The following DGKH variants were observed in gnomAD, a reference collection of about 807,000 sequenced individuals.
The protein encoded by DGKH is DAG kinase eta.
In DGKH, 90 loss-of-function variants were observed where a neutral mutation model predicts 159.3. The observed-to-expected ratio is 0.57, with a 90% confidence interval of 0.48 to 0.67. The LOEUF (loss-of-function observed/expected upper bound fraction) is 0.67. Among genes scored for constraint, DGKH ranks in the 30% least tolerant of loss-of-function variants. The probability of loss-of-function intolerance (pLI) is 0.00; values close to 1 mark genes in which losing one functional copy is unlikely to be tolerated. For missense variants in DGKH, 1,181 were observed against 1,506.1 expected (o/e 0.78, Z 3.57); for synonymous variants, 536 against 553.8 (o/e 0.97, Z 0.45).
chr13:42,217,248 G>C (rs1566204402), intron 26 of DGKH, among the ~76,000 whole-genome samples: 1 of 152,140 alleles, frequency 6.6e-6, no homozygotes, highest in Non-Finnish European at 1.5e-5. Flanking sequence ...AAACACAACA[G>C]GGTAGAGAAT....
chr13:42,087,657 A>T (rs1437638472), intron 1 of DGKH, among the ~76,000 whole-genome samples: 1 of 152,210 alleles, frequency 6.6e-6, no homozygotes, highest in Non-Finnish European at 1.5e-5. Context: ...GGATTAACAG[A>T]TACTACAGAA....
intron 29 of DGKH, among the ~76,000 whole-genome samples, chr13:42,224,085 A>G (rs1025167526): frequency 6.6e-5 from 10 of 152,182 alleles, no homozygotes; most frequent in African/African-American, 2.4e-4. Context: ...ATTCTTTTTT[A>G]AAATTTATTT....
At chr13:42,113,775 G>C (rs1954913607) in intron 1 of DGKH, among the ~76,000 whole-genome samples, 1 of 152,036 alleles carries the variant, frequency 6.6e-6, no homozygotes, top group South Asian at 2.1e-4. Context: ...ATGGCTACGG[G>C]GAAAAATAGT....
Position 42,249,106 on chromosome 13 carries a change from G to T in DGKH, n.4055-3303G>T, listed in dbSNP as rs116083299. On this transcript the variant is annotated intron_variant and non_coding_transcript_variant, in intron 29 of 30. Transcript: ENST00000498255. ...ATTACTGATTGTGGCGGGCACAGTG[G>T]CTCATGCCTGTAATCCCAGCATGTT... Among the ~76,000 whole-genome samples the T allele has an allele frequency of 7.4e-3, 1,131 of 152,224 alleles. 12 individuals carry two copies. Among genetic ancestry groups the T allele is most frequent in the African/African-American group, 0.025 (1,053 of 41,558 alleles).
At chr13:42,105,178 A>T (rs1297913613) in intron 1 of DGKH, among the ~76,000 whole-genome samples, 1 of 152,162 alleles carries the variant, frequency 6.6e-6, no homozygotes, top group African/African-American at 2.4e-5. Context: ...GTCCAGTATC[A>T]AGGGGCTGGC....
At chr13:42,114,202 C>T (rs927356337) in intron 1 of DGKH, among the ~76,000 whole-genome samples, 3 of 152,030 alleles carry the variant, frequency 2.0e-5, no homozygotes, top group Non-Finnish European at 2.9e-5. Flanking sequence ...TAGACAACAG[C>T]TAATTGCTTA....
At chr13:42,060,930 T>C (rs1309927734) in intron 1 of DGKH, among the ~76,000 whole-genome samples, 1 of 152,182 alleles carries the variant, frequency 6.6e-6, no homozygotes, top group Non-Finnish European at 1.5e-5. Context: ...CTATGTTGTC[T>C]GGGGTATATA....
upstream of DGKH, among the ~76,000 whole-genome samples, chr13:42,048,088 C>A (rs1880927444): frequency 2.4e-5 from 1 of 41,150 alleles, no homozygotes; most frequent in South Asian, 8.4e-4. This position sits in a 1 kb window ranked among gnomAD's most constrained non-coding sequence, Gnocchi z 6.7. Flanking sequence ...ACGGCCCTGG[C>A]GGAGGCGGGA....
chr13:42,254,507 C>T (rs1958643313), intron 30 of DGKH, among the ~76,000 whole-genome samples: 1 of 151,954 alleles, frequency 6.6e-6, no homozygotes, highest in Non-Finnish European at 1.5e-5. Context: ...GTGGCGGGTG[C>T]CTATAATCCC....
Position 42,215,560 on chromosome 13 carries a change from A to G in DGKH, c.3121-15A>G. Reference sequence around the variant, plus strand: ...TTAATACAGATCACATGTCTTTGATATTCTTCTTTTCTAGAGTCTTACAAG... The same window carrying G: ...TTAATACAGATCACATGTCTTTGATGTTCTTCTTTTCTAGAGTCTTACAAG... On this transcript the variant is annotated splice_polypyrimidine_tract_variant and intron_variant, in intron 25 of 29. Transcript: ENST00000337343. 6.3e-7 allele frequency: 1 copy of G among 1,584,928 alleles called. No individual in the cohort carries two copies. The highest frequency in any genetic ancestry group is 8.6e-7 in the Non-Finnish European group (1 of 1,157,934).
chr13:42,234,061 T>A lies in DGKH; in HGVS notation c.*4873T>A, dbSNP rs924369869. 1 of 152,234 alleles carries A rather than the reference T, an allele frequency of 6.6e-6. No individual in the cohort carries two copies. The highest frequency in any genetic ancestry group is 6.5e-5 in the Admixed American group (1 of 15,286). The allele number at this position is 152,234 out of a possible 1,614,324, so 9.4% of individuals were successfully genotyped here. A position where few individuals can be genotyped will look rare whatever the true frequency, so the allele number is the denominator to read the frequency against. The stretch of plus-strand genomic sequence containing the variant: ...TCCTTACACTCACTTATCTTGATGT[T>A]CACATGGTTAATAATTCCTTAAAAT... On this transcript the variant is annotated 3_prime_UTR_variant, in exon 30 of 30. Coordinates refer to ENST00000337343, the MANE Select transcript of DGKH (RefSeq NM_178009.5).
At chr13:42,107,265 C>T (rs1338178063) in intron 1 of DGKH, among the ~76,000 whole-genome samples, 1 of 152,162 alleles carries the variant, frequency 6.6e-6, no homozygotes, top group Non-Finnish European at 1.5e-5. Flanking sequence ...CTGCAGAAAG[C>T]CACCCATATG....
chr13:42,179,618 A>G (rs1314561183), intron 13 of DGKH, among the ~76,000 whole-genome samples: 1 of 152,042 alleles, frequency 6.6e-6, no homozygotes, highest in Non-Finnish European at 1.5e-5. Flanking sequence ...TACTCAAAGT[A>G]TACATACTAA....
intron 16 of DGKH, 94 bp from the exon 17 acceptor site, chr13:42,194,791 T>C (rs1957162686): frequency 2.2e-6 from 3 of 1,388,168 alleles, no homozygotes; most frequent in African/African-American, 2.9e-5. Flanking sequence ...TACTGATTGA[T>C]TTAAACATTA....
chr13:42,122,392 C>CA (rs1955091961), intron 1 of DGKH, among the ~76,000 whole-genome samples: 1 of 152,188 alleles, frequency 6.6e-6, no homozygotes, highest in Non-Finnish European at 1.5e-5. Flanking sequence ...TTCTTCCTGG[C>CA]AGGGACTCTC....
chr13:42,104,512 C>G (rs917888594), intron 1 of DGKH, among the ~76,000 whole-genome samples: 1 of 152,174 alleles, frequency 6.6e-6, no homozygotes, highest in Admixed American at 6.5e-5. Context: ...TTGCTTGAGT[C>G]GTCCCTATTT....
rs987315878 is a variant in DGKH, at chr13:42,240,049, A to G, written c.*10861A>G. 2.0e-5 allele frequency: 3 copies of G among 152,222 alleles called. No homozygotes were observed. Among genetic ancestry groups the G allele is most frequent in the African/African-American group, 7.2e-5 (3 of 41,466 alleles). 9.4% of individuals were successfully genotyped at this position (152,222 alleles called of 1,614,324 possible). ...GAAACTTTTTCTGTTAAAATAACAT[A>G]ACATTTCAATTACACACACACAACC... On this transcript the variant is annotated 3_prime_UTR_variant, in exon 30 of 30. Transcript: ENST00000337343.
intron 3 of DGKH, among the ~76,000 whole-genome samples, chr13:42,151,478 G>GGGGTGTGT (rs200409838): frequency 3.2e-5 from 4 of 126,378 alleles, no homozygotes; most frequent in African/African-American, 1.2e-4. Flanking sequence ...AGTATTCCAT[G>GGGGTGTGT]GTGTGTGTGT....
intron 1 of DGKH, among the ~76,000 whole-genome samples, chr13:42,067,222 G>A (rs1023124558): frequency 1.1e-4 from 17 of 152,094 alleles, no homozygotes; most frequent in Admixed American, 9.2e-4. Context: ...AATCAAATGC[G>A]TGTTAAACTA....
Sources: gnomAD v4.1 joint callset for allele counts (sites outside exome capture counted in the v4.1 genomes callset) on GRCh38, gnomAD v4.1.1 for gene constraint, Gnocchi (gnomAD v3.1) non-coding constraint, MANE v1.5 for transcripts, NCBI Gene and HGNC (gene_info 2026-07-23, HGNC 2026-07-21) for gene names.